Variants in KCNMA1 observed in about 807,000 individuals in gnomAD.
The protein encoded by KCNMA1 is Calcium-activated potassium channel subunit alpha-1.
In KCNMA1, 29 loss-of-function variants were observed where a neutral mutation model predicts 140.0. That is an observed-to-expected ratio of 0.21 (90% CI 0.15 to 0.28). KCNMA1 has a LOEUF of 0.28. Ranked by LOEUF, KCNMA1 falls within the 10% of genes least tolerant of loss-of-function variation. The pLI is 1.00. For missense variants in KCNMA1, 880 were observed against 1,602.2 expected (o/e 0.55, Z 7.70); for synonymous variants, 612 against 611.9 (o/e 1.00, Z 0.00).
chr10:77,538,193 C>T (rs2059380604), intron 1 of KCNMA1, among the ~76,000 whole-genome samples: 1 of 151,848 alleles, frequency 6.6e-6, no homozygotes, highest in African/African-American at 2.4e-5. Flanking sequence ...TAGACACACT[C>T]ATACTCACAC....
chr10:77,605,050 C>T (rs773883449), intron 1 of KCNMA1, among the ~76,000 whole-genome samples: 6 of 152,224 alleles, frequency 3.9e-5, no homozygotes, highest in South Asian at 2.1e-4. Context: ...CCATAAAACC[C>T]GCAGTCCTAA....
At chr10:77,461,474 C>T (rs528445176) in intron 1 of KCNMA1, among the ~76,000 whole-genome samples, 11 of 152,272 alleles carry the variant, frequency 7.2e-5, no homozygotes, top group Non-Finnish European at 1.3e-4. Flanking sequence ...CACACAGTGA[C>T]GGCAGAGTCA....
intron 2 of KCNMA1, among the ~76,000 whole-genome samples, chr10:77,351,020 T>C (rs528346543): frequency 6.6e-6 from 1 of 152,216 alleles, no homozygotes; most frequent in African/African-American, 2.4e-5. Flanking sequence ...CAAGATGTCA[T>C]TTGAACAAAG....
At chr10:77,441,586 G>A (rs1355535661) in intron 1 of KCNMA1, among the ~76,000 whole-genome samples, 1 of 150,092 alleles carries the variant, frequency 6.7e-6, no homozygotes, top group African/African-American at 2.4e-5. Flanking sequence ...TATATCCAGA[G>A]AACAGAATTT....
chr10:76,970,329 G>GAAAAAAAAAAA (rs10563488), intron 19 of KCNMA1: 1 of 183,240 alleles, frequency 5.5e-6, no homozygotes, highest in Non-Finnish European at 1.1e-5. Context: ...CCTGCCATAA[G>GAAAAAAAAAAA]AAAAAAAAAA....
chr10:77,285,797 A>G (rs556239673), intron 2 of KCNMA1, among the ~76,000 whole-genome samples: 9 of 152,314 alleles, frequency 5.9e-5, no homozygotes, highest in African/African-American at 9.6e-5. Flanking sequence ...GCCAGTTACT[A>G]TCTCTAAGTT....
intron 3 of KCNMA1, among the ~76,000 whole-genome samples, chr10:77,205,276 T>C (rs981203037): frequency 3.3e-5 from 5 of 152,142 alleles, no homozygotes; most frequent in Non-Finnish European, 7.3e-5. Flanking sequence ...GGACCTAAAC[T>C]TGACACGAAG....
At chr10:77,253,800 G>T (rs1600129601) in intron 2 of KCNMA1, among the ~76,000 whole-genome samples, 1 of 152,198 alleles carries the variant, frequency 6.6e-6, no homozygotes, top group East Asian at 1.9e-4. Context: ...GCTCCCTGGG[G>T]AGATGATCTG....
intron 3 of KCNMA1, among the ~76,000 whole-genome samples, chr10:77,186,778 TG>T (rs1316827794): frequency 4.9e-4 from 1 of 2,036 alleles, no homozygotes; most frequent in Non-Finnish European, 8.5e-4. Context: ...AAAGAGTAAA[TG>T]TGTGTGTGTG....
In KCNMA1 at chr10:76,914,397, G is replaced by T. The variant is rs996276862; in HGVS notation, c.3016+539C>A. The T allele has an allele frequency of 5.4e-5, 28 of 514,376 alleles. No homozygotes were observed. In the Middle Eastern group the frequency reaches 1.5e-3, roughly 28 times the overall value. The allele number at this position is 514,376 out of a possible 1,614,324, so 31.9% of individuals were successfully genotyped here. ...CCCTCAAAACCCCATCATTTTGGGG[G>T]CCAGAATGGCATTTGCTGAAAATGG... On this transcript the variant is annotated intron_variant, in intron 24 of 27. Transcript: ENST00000286628.
At chr10:77,333,372 G>C (rs201235938) in intron 2 of KCNMA1, among the ~76,000 whole-genome samples, 1 of 115,970 alleles carries the variant, frequency 8.6e-6, no homozygotes, top group East Asian at 2.3e-4. Flanking sequence ...AAAGAAAAAA[G>C]AAAGAAAGAG....
chr10:77,447,018 C>T (rs1376484776), intron 1 of KCNMA1, among the ~76,000 whole-genome samples: 1 of 152,216 alleles, frequency 6.6e-6, no homozygotes, highest in Non-Finnish European at 1.5e-5. Flanking sequence ...GTGCTGCCCC[C>T]AACCTCACCT....
intron 25 of KCNMA1, among the ~76,000 whole-genome samples, chr10:76,898,692 C>A (rs2043705646): frequency 6.6e-6 from 1 of 151,588 alleles, no homozygotes; most frequent in Non-Finnish European, 1.5e-5. Context: ...GGAAATCAAA[C>A]TTAGAATATG....
intron 2 of KCNMA1, among the ~76,000 whole-genome samples, chr10:77,302,146 C>T (rs1210829702): frequency 6.6e-6 from 1 of 152,108 alleles, no homozygotes; most frequent in Non-Finnish European, 1.5e-5. Context: ...AGATAGTAAA[C>T]AGCAGACCTA....
chr10:76,932,631 A>G (rs939690524), intron 23 of KCNMA1, among the ~76,000 whole-genome samples: 1 of 152,204 alleles, frequency 6.6e-6, no homozygotes, highest in Admixed American at 6.5e-5. Context: ...AGATATATAG[A>G]TGAGGAAATG....
intron 2 of KCNMA1, among the ~76,000 whole-genome samples, chr10:77,282,375 G>T (rs1295765805): frequency 6.6e-6 from 1 of 152,050 alleles, no homozygotes; most frequent in Admixed American, 6.6e-5. Context: ...TCTCCTATCT[G>T]CAACATTCTC....
chr10:77,043,618 TAAAC>T (rs1433732510), intron 14 of KCNMA1, among the ~76,000 whole-genome samples: 4 of 152,200 alleles, frequency 2.6e-5, no homozygotes, highest in Admixed American at 2.0e-4. Flanking sequence ...GATGACTAGA[TAAAC>T]AAAGTGTGGT....
intron 2 of KCNMA1, among the ~76,000 whole-genome samples, chr10:77,357,219 C>T (rs539397776): frequency 6.6e-6 from 1 of 152,328 alleles, no homozygotes; most frequent in East Asian, 1.9e-4. Context: ...TTCCCATCCC[C>T]ATTTTTTTGG....
At chr10:76,964,401 G>C (rs916953505) in intron 20 of KCNMA1, among the ~76,000 whole-genome samples, 1 of 152,134 alleles carries the variant, frequency 6.6e-6, no homozygotes, top group African/African-American at 2.4e-5. Flanking sequence ...AGTCCTACAG[G>C]AGGTTGTACA....
Sources: gnomAD v4.1 joint callset for allele counts (sites outside exome capture counted in the v4.1 genomes callset) on GRCh38, gnomAD v4.1.1 for gene constraint, MANE v1.5 for transcripts, NCBI Gene and HGNC (gene_info 2026-07-23, HGNC 2026-07-21) for gene names.